NPAS3: variants seen among roughly 807,000 people sequenced by gnomAD.
The protein encoded by NPAS3 is neuronal PAS domain-containing protein 3.
A neutral mutation model predicts 73.1 loss-of-function variants in NPAS3; 14 were observed. The ratio of observed to expected loss-of-function variants is 0.19; its 90% CI spans 0.13 to 0.30. The LOEUF (loss-of-function observed/expected upper bound fraction) is 0.30, where lower values mean the gene tolerates loss of function less well. Ranked by LOEUF, NPAS3 falls within the 10% of genes least tolerant of loss-of-function variation. The pLI is 1.00. For missense variants in NPAS3, 1,096 were observed against 1,250.0 expected, an observed-to-expected ratio of 0.88 and a Z score of 1.86; for synonymous variants, 620 against 541.5, an observed-to-expected ratio of 1.14 and a Z score of -2.01.
intron 1 of NPAS3, among the ~76,000 whole-genome samples, chr14:33,022,628 G>A (rs1364571305): frequency 2.3e-5 from 3 of 132,282 alleles, no homozygotes; most frequent in African/African-American, 8.8e-5. Context: ...TCGCGCCACC[G>A]CACTCCAGCC....
rs57147759 is a variant in NPAS3 at position 33,083,178 on chromosome 14, CAAAAAAAAAAAAAAAAAAAAAA to C, written c.140+27199_140+27220del. The stretch of plus-strand genomic sequence containing the variant: ...AGCCTGGGTAATGGCGAGACTGTCT[CAAAAAAAAAAAAAAAAAAAAAA>C]AAAAAAAAAAAAAAGAAGGGACTTT... On this transcript the variant is annotated intron_variant, in intron 2 of 11. Transcript: ENST00000356141. Among the ~76,000 whole-genome samples the C allele has an allele frequency of 4.6e-5, 3 of 65,018 alleles. 1 individual carries two copies. Among genetic ancestry groups the C allele is most frequent in the African/African-American group, 1.3e-4 (3 of 23,268 alleles). 42.7% of individuals were successfully genotyped at this position (65,018 alleles called of 152,430 possible).
intron 3 of NPAS3, among the ~76,000 whole-genome samples, chr14:33,217,753 T>G (rs1288143651): frequency 6.6e-6 from 1 of 152,208 alleles, no homozygotes; most frequent in African/African-American, 2.4e-5. Context: ...GGCATGCGAA[T>G]GTATAGATCA....
rs150791292 is a variant in NPAS3 at position 33,525,319 on chromosome 14, A to T, written c.469-34802A>T. Reference sequence around the variant, plus strand: ...AAAATCAGAAGTTAGGCAAGTAAGCATGATATTTGAAATCACTTTGCCATA... The same window carrying T: ...AAAATCAGAAGTTAGGCAAGTAAGCTTGATATTTGAAATCACTTTGCCATA... On this transcript the variant is annotated intron_variant, in intron 4 of 11. Coordinates refer to ENST00000356141, the Ensembl canonical transcript of NPAS3. 2.1e-4 allele frequency among the ~76,000 whole-genome samples: 32 copies of T among 152,318 alleles called. 1 individual carries two copies. The East Asian group carries it at 5.8e-3, about 28-fold the overall frequency.
At chr14:33,445,049 T>G in intron 4 of NPAS3, among the ~76,000 whole-genome samples, 1 of 152,262 alleles carries the variant, frequency 6.6e-6, no homozygotes, top group East Asian at 1.9e-4. Context: ...CTTCTAGGAT[T>G]ATTTTCTCCT....
intron 6 of NPAS3, among the ~76,000 whole-genome samples, chr14:33,732,897 AC>A (rs2140632826): frequency 6.7e-6 from 1 of 150,140 alleles, no homozygotes; most frequent in South Asian, 2.1e-4. Context: ...AGCTGGAAGC[AC>A]CCATGCTGTG....
chr14:32,969,878 T>G (rs2037348577), intron 1 of NPAS3, among the ~76,000 whole-genome samples: 2 of 152,286 alleles, frequency 1.3e-5, no homozygotes, highest in South Asian at 4.1e-4. Context: ...CTGCTATAAT[T>G]CAGAAAAGAA....
intron 2 of NPAS3, among the ~76,000 whole-genome samples, chr14:33,128,904 A>G (rs1056908460): frequency 6.6e-6 from 1 of 152,120 alleles, no homozygotes; most frequent in African/African-American, 2.4e-5. Context: ...TTTCATCAAA[A>G]CTGGAAAATG....
intron 5 of NPAS3, among the ~76,000 whole-genome samples, chr14:33,572,582 A>G (rs954294770): frequency 3.9e-5 from 6 of 152,208 alleles, no homozygotes; most frequent in African/African-American, 1.4e-4. Context: ...GTTTAAACCC[A>G]GCCCACTTGA....
chr14:33,710,937 A>T (rs2060800987), intron 6 of NPAS3, among the ~76,000 whole-genome samples: 1 of 152,244 alleles, frequency 6.6e-6, no homozygotes, highest in Admixed American at 6.5e-5. Flanking sequence ...AGAAATTCAT[A>T]CAAAGTGCCA....
At chr14:33,750,163 T>C (rs924498241) in intron 7 of NPAS3, among the ~76,000 whole-genome samples, 2 of 152,036 alleles carry the variant, frequency 1.3e-5, no homozygotes, top group Non-Finnish European at 2.9e-5. Context: ...CAGTGAGGCG[T>C]TGTCAAGAAG....
intron 4 of NPAS3, among the ~76,000 whole-genome samples, chr14:33,513,104 C>A (rs753842283): frequency 6.6e-6 from 1 of 151,958 alleles, no homozygotes; most frequent in Non-Finnish European, 1.5e-5. Flanking sequence ...AAAAAGGAGA[C>A]GTTAGGACCG....
chr14:33,724,407 G>A (rs117242602), intron 6 of NPAS3, among the ~76,000 whole-genome samples: 4 of 152,100 alleles, frequency 2.6e-5, no homozygotes, highest in African/African-American at 9.7e-5. Context: ...ACCAAGGCAG[G>A]TGGATCCCTT....
chr14:32,953,966 T>A (rs191628068), intron 1 of NPAS3, among the ~76,000 whole-genome samples: 160 of 152,312 alleles, frequency 1.1e-3, no homozygotes, highest in African/African-American at 3.7e-3. Context: ...GTCTGCAAGA[T>A]GTGCAGAAAT....
At chr14:33,052,848 C>T (rs1027547626) in intron 1 of NPAS3, among the ~76,000 whole-genome samples, 1 of 149,162 alleles carries the variant, frequency 6.7e-6, no homozygotes, top group African/African-American at 2.5e-5. Context: ...ATTACTTGAA[C>T]TTTTTTTTTT....
intron 6 of NPAS3, among the ~76,000 whole-genome samples, chr14:33,696,116 A>G (rs2060371759): frequency 6.6e-6 from 1 of 152,180 alleles, no homozygotes; most frequent in Admixed American, 6.5e-5. Flanking sequence ...TCTTCCTCCA[A>G]TTAGTACTCT....
At chr14:33,048,446 G>C (rs1355990726) in intron 1 of NPAS3, among the ~76,000 whole-genome samples, 2 of 152,188 alleles carry the variant, frequency 1.3e-5, no homozygotes, top group African/African-American at 4.8e-5. Context: ...CTGAAGTCAG[G>C]CTGCGCCTTC....
chr14:33,124,814 C>G (rs2043366303), intron 2 of NPAS3, among the ~76,000 whole-genome samples: 1 of 151,788 alleles, frequency 6.6e-6, no homozygotes, highest in African/African-American at 2.4e-5. Flanking sequence ...ACATAGTGAT[C>G]AATTTTGGAA....
At chr14:33,732,351 A>AC (rs1289139384) in intron 6 of NPAS3, among the ~76,000 whole-genome samples, 1 of 152,178 alleles carries the variant, frequency 6.6e-6, no homozygotes, top group Non-Finnish European at 1.5e-5. Flanking sequence ...CACGTGAGAC[A>AC]GTTCAAAAGC....
intron 7 of NPAS3, among the ~76,000 whole-genome samples, chr14:33,772,000 G>A (rs1490122639): frequency 6.6e-6 from 1 of 152,062 alleles, no homozygotes; most frequent in African/African-American, 2.4e-5. Context: ...TTCTTCACCT[G>A]AAAATAAAAA....
Sources: gnomAD v4.1 joint callset for allele counts (sites outside exome capture counted in the v4.1 genomes callset) on GRCh38, gnomAD v4.1.1 for gene constraint, MANE v1.5 for transcripts, NCBI Gene and HGNC (gene_info 2026-07-23, HGNC 2026-07-21) for gene names.